The following SORCS1 variants were observed in gnomAD, a reference collection of about 807,000 sequenced individuals.
SORCS1 encodes the protein VPS10 domain-containing receptor SorCS1.
In SORCS1, 60 loss-of-function variants were observed where a neutral mutation model predicts 146.1. The ratio of observed to expected loss-of-function variants is 0.41; its 90% CI spans 0.33 to 0.51. The LOEUF is 0.51. Among genes scored for constraint, SORCS1 ranks in the 20% least tolerant of loss-of-function variants. The pLI is 0.21. For synonymous variants in SORCS1, 637 were observed against 584.0 expected (o/e 1.09, Z -1.31); for missense variants, 1,352 against 1,487.6 (o/e 0.91, Z 1.50).
Position 106,979,850 on chromosome 10 carries a change from T to C in SORCS1, c.559-23270A>G, listed in dbSNP as rs573842120. ...GGGAGGTAACTTAACCTCTAGATGC[T>C]CCAGTTTCCTCATCATGAAGGTATA... On this transcript the variant is annotated intron_variant, in intron 1 of 25. Coordinates refer to ENST00000263054, the MANE Select transcript of SORCS1 (RefSeq NM_052918.5). 1.1e-4 allele frequency among the ~76,000 whole-genome samples: 16 copies of C among 152,312 alleles called. No individual in the cohort carries two copies. In the South Asian group the frequency reaches 3.3e-3, roughly 32 times the overall value.
intron 1 of SORCS1, among the ~76,000 whole-genome samples, chr10:107,046,734 T>C (rs1959491845): frequency 6.6e-6 from 1 of 152,164 alleles, no homozygotes; most frequent in African/African-American, 2.4e-5. Context: ...GCTTTCTAAA[T>C]TTCTGTGTTA....
chr10:107,041,418 A>G (rs1251386965), intron 1 of SORCS1, among the ~76,000 whole-genome samples: 1 of 151,804 alleles, frequency 6.6e-6, no homozygotes, highest in East Asian at 1.9e-4. Flanking sequence ...AAAAAAAAAA[A>G]AGAAAGAAAA....
At chr10:106,587,913 T>C (rs1248436065) in intron 24 of SORCS1, among the ~76,000 whole-genome samples, 1 of 152,196 alleles carries the variant, frequency 6.6e-6, no homozygotes, top group African/African-American at 2.4e-5. Flanking sequence ...ATTAACCCTT[T>C]ACCATTTTTA....
chr10:106,663,147 G>A (rs1850863753), intron 17 of SORCS1, among the ~76,000 whole-genome samples: 1 of 152,154 alleles, frequency 6.6e-6, no homozygotes, highest in Non-Finnish European at 1.5e-5. Flanking sequence ...ATCCATGGAA[G>A]AAGGATAACT....
intron 2 of SORCS1, among the ~76,000 whole-genome samples, chr10:106,935,944 T>C (rs1953687865): frequency 6.6e-6 from 1 of 152,234 alleles, no homozygotes; most frequent in African/African-American, 2.4e-5. Context: ...GAAAGTACTT[T>C]GAAACTTGAG....
intron 19 of SORCS1, among the ~76,000 whole-genome samples, chr10:106,623,987 C>T (rs1847921831): frequency 6.6e-6 from 1 of 152,190 alleles, no homozygotes; most frequent in Admixed American, 6.5e-5. Context: ...GCCCAACCCT[C>T]ACTCAATAGT....
chr10:106,830,915 C>T (rs1284417333), intron 2 of SORCS1, among the ~76,000 whole-genome samples: 1 of 151,024 alleles, frequency 6.6e-6, no homozygotes, highest in Non-Finnish European at 1.5e-5. Flanking sequence ...CAAAAAAAGG[C>T]CAGGCACACT....
intron 18 of SORCS1, among the ~76,000 whole-genome samples, chr10:106,648,733 G>A (rs1849636357): frequency 6.6e-6 from 1 of 152,160 alleles, no homozygotes; most frequent in South Asian, 2.1e-4. Context: ...AGTGGGGGAA[G>A]GGCGTTGGTC....
chr10:106,989,844 G>A (rs998008364), intron 1 of SORCS1, among the ~76,000 whole-genome samples: 6 of 151,190 alleles, frequency 4.0e-5, no homozygotes, highest in Non-Finnish European at 7.4e-5. Context: ...CCGCCACCAC[G>A]CCTGGCTAAT....
At chr10:106,954,482 T>C (rs960398368) in intron 2 of SORCS1, among the ~76,000 whole-genome samples, 1 of 152,214 alleles carries the variant, frequency 6.6e-6, no homozygotes, top group Non-Finnish European at 1.5e-5. Context: ...TACATCCCTG[T>C]AACCAGGGAC....
At chr10:106,610,804 C>G (rs563720986) in intron 22 of SORCS1, among the ~76,000 whole-genome samples, 1 of 152,170 alleles carries the variant, frequency 6.6e-6, no homozygotes, top group Non-Finnish European at 1.5e-5. Flanking sequence ...AAGGGGCCGA[C>G]GCAGTGGCTC....
chr10:106,980,114 T>C (rs935109940), intron 1 of SORCS1, among the ~76,000 whole-genome samples: 16 of 152,172 alleles, frequency 1.1e-4, no homozygotes, highest in African/African-American at 3.1e-4. Flanking sequence ...CACAAATACA[T>C]TGAGGATTAT....
At chr10:107,140,089 T>C (rs1306631360) in intron 1 of SORCS1, among the ~76,000 whole-genome samples, 5 of 152,304 alleles carry the variant, frequency 3.3e-5, no homozygotes, top group South Asian at 2.1e-4. Context: ...TTAAATCCAG[T>C]AATAAAATAA....
At chr10:106,974,364 A>G (rs1379691638) in intron 1 of SORCS1, among the ~76,000 whole-genome samples, 1 of 152,202 alleles carries the variant, frequency 6.6e-6, no homozygotes, top group Non-Finnish European at 1.5e-5. Context: ...AGGCCTATTT[A>G]GCCAAAAGGC....
At chr10:106,661,945 A>G (rs894826784) in intron 17 of SORCS1, among the ~76,000 whole-genome samples, 21 of 152,246 alleles carry the variant, frequency 1.4e-4, no homozygotes, top group African/African-American at 5.1e-4. Context: ...CCAATCGTGG[A>G]GAACACAGCA....
chr10:106,816,701 T>C (rs990655109), intron 3 of SORCS1, among the ~76,000 whole-genome samples: 1 of 152,224 alleles, frequency 6.6e-6, no homozygotes, highest in Non-Finnish European at 1.5e-5. Context: ...TGCCCCTTCT[T>C]TTAAAGAAAG....
intron 2 of SORCS1, among the ~76,000 whole-genome samples, chr10:106,901,573 A>G (rs952201857): frequency 6.6e-6 from 1 of 152,134 alleles, no homozygotes; most frequent in African/African-American, 2.4e-5. Context: ...ACCTGAGACT[A>G]AAGGCATGTG....
At chr10:106,772,367 G>A (rs1490836042) in intron 4 of SORCS1, among the ~76,000 whole-genome samples, 1 of 151,914 alleles carries the variant, frequency 6.6e-6, no homozygotes, top group African/African-American at 2.4e-5. Context: ...TATACCACTG[G>A]CATTCTTGGT....
chr10:106,600,213 T>C (rs1007626157), intron 23 of SORCS1: 5 of 519,856 alleles, frequency 9.6e-6, no homozygotes, highest in African/African-American at 8.4e-5. Flanking sequence ...GGAGAGACCC[T>C]TGTGAAAATA....
Sources: allele counts gnomAD v4.1 joint callset (sites outside exome capture counted in the v4.1 genomes callset), GRCh38; gene constraint gnomAD v4.1.1; transcripts MANE v1.5; gene names NCBI Gene and HGNC (gene_info 2026-07-23, HGNC 2026-07-21).